KIRREL1: variants seen among roughly 807,000 people sequenced by gnomAD.
The protein encoded by KIRREL1 is kin of IRRE-like protein 1.
A neutral mutation model predicts 83.3 loss-of-function variants in KIRREL1; 25 were observed. The ratio of observed to expected loss-of-function variants is 0.30; its 90% CI spans 0.22 to 0.42. The LOEUF is 0.42. KIRREL1 is among the 10% of genes least tolerant of loss of function. The probability of loss-of-function intolerance (pLI) is 1.00; values close to 1 mark genes in which losing one functional copy is unlikely to be tolerated. For missense variants in KIRREL1, 812 were observed against 1,032.3 expected, an observed-to-expected ratio of 0.79 and a Z score of 2.92; for synonymous variants, 388 against 410.4, an observed-to-expected ratio of 0.95 and a Z score of 0.66.
chr1:158,080,663 G>T (rs1468946891), intron 3 of KIRREL1, among the ~76,000 whole-genome samples: 1 of 152,166 alleles, frequency 6.6e-6, no homozygotes, highest in Non-Finnish European at 1.5e-5. Context: ...CCTGGGCATG[G>T]TGTCTCCTCG....
intron 11 of KIRREL1, 36 bp from the exon 12 acceptor site, chr1:158,093,303 A>G: frequency 6.4e-7 from 1 of 1,560,588 alleles, no homozygotes; most frequent in Non-Finnish European, 8.8e-7. Flanking sequence ...GTATAACTCC[A>G]GCCTCACCCC....
rs751656360 is a variant in KIRREL1, at chr1:158,094,730, T to A, written c.1884T>A (p.Pro628=). The change falls in exon 15 of 15, where the codon CCT becomes CCA. Residue 628 remains proline (P), a synonymous_variant. Coordinates refer to ENST00000359209, the MANE Select transcript of KIRREL1 (RefSeq NM_018240.7). The surrounding 1 kb of genome is among the most constrained non-coding windows in gnomAD (Gnocchi z 4.6). ...RAVLYADYRA[P]GPARFDGRPS... The stretch of plus-strand genomic sequence containing the variant: ...TGCTCTATGCTGACTACCGTGCCCC[T>A]GGCCCTGCCCGCTTCGACGGCCGCC... 6.2e-7 allele frequency: 1 copy of A among 1,613,468 alleles called. No individual in the cohort carries two copies. The highest frequency in any genetic ancestry group is 8.5e-7 in the Non-Finnish European group (1 of 1,179,982).
chr1:158,048,820 G>A (rs190550272), intron 1 of KIRREL1, among the ~76,000 whole-genome samples: 1 of 152,294 alleles, frequency 6.6e-6, no homozygotes, highest in East Asian at 1.9e-4. Flanking sequence ...GCGAGAGTAG[G>A]AAATAGGATG....
At chr1:158,089,871 G>A (rs1662141513) in intron 10 of KIRREL1, 53 bp downstream of exon 10, 5 of 1,499,888 alleles carry the variant, frequency 3.3e-6, no homozygotes, top group Non-Finnish European at 3.7e-6. Context: ...TCTTTGCCCA[G>A]GCCCAGCCTC....
chr1:158,078,487 T>A (rs1661751817), intron 3 of KIRREL1, among the ~76,000 whole-genome samples: 10 of 152,092 alleles, frequency 6.6e-5, no homozygotes, highest in Admixed American at 6.6e-4. Flanking sequence ...TTCCCAGCTG[T>A]CCTGGCTGGC....
intron 10 of KIRREL1, among the ~76,000 whole-genome samples, chr1:158,090,840 C>T (rs1223917546): frequency 4.6e-5 from 7 of 152,148 alleles, no homozygotes; most frequent in Non-Finnish European, 8.8e-5. Flanking sequence ...ATTGTCTAGC[C>T]CTAGCCTGGT....
chr1:158,039,692 C>T (rs1428525490), intron 1 of KIRREL1, among the ~76,000 whole-genome samples: 1 of 152,210 alleles, frequency 6.6e-6, no homozygotes, highest in Non-Finnish European at 1.5e-5. Context: ...CTTTTCCTCC[C>T]CACTCCTTCA....
chr1:157,996,683 A>G (rs998547634), intron 1 of KIRREL1, among the ~76,000 whole-genome samples: 1 of 152,234 alleles, frequency 6.6e-6, no homozygotes, highest in East Asian at 1.9e-4. Flanking sequence ...ACATAGACAC[A>G]TATACACACT....
chr1:158,084,952 A>G (rs1007694009), intron 4 of KIRREL1, among the ~76,000 whole-genome samples: 2 of 152,202 alleles, frequency 1.3e-5, no homozygotes, highest in Non-Finnish European at 2.9e-5. Flanking sequence ...ACTTGCGCTC[A>G]GAGAGGTTGA....
intron 1 of KIRREL1, among the ~76,000 whole-genome samples, chr1:157,999,046 G>C (rs961099588): frequency 6.6e-6 from 1 of 152,090 alleles, no homozygotes; most frequent in Non-Finnish European, 1.5e-5. Context: ...CTGCCTAGAA[G>C]AGCCACACCC....
intron 1 of KIRREL1, among the ~76,000 whole-genome samples, chr1:158,020,544 TC>T (rs1324532327): frequency 7.3e-6 from 1 of 136,326 alleles, no homozygotes; most frequent in Non-Finnish European, 1.5e-5. Context: ...ATCTGTAACT[TC>T]CGTCTCTTGC....
chr1:158,010,356 CACA>C (rs1557987023), intron 1 of KIRREL1, among the ~76,000 whole-genome samples: 2 of 139,772 alleles, frequency 1.4e-5, no homozygotes, highest in Non-Finnish European at 3.2e-5. Context: ...CACACACACA[CACA>C]CACCCCACAC....
At chr1:158,077,795 TC>T (rs1456211685) in intron 2 of KIRREL1, among the ~76,000 whole-genome samples, 195 bp from the exon 3 acceptor site, 1 of 152,196 alleles carries the variant, frequency 6.6e-6, no homozygotes, top group Non-Finnish European at 1.5e-5. Context: ...TCAGCTGCCC[TC>T]CTGTCTGCTC....
chr1:158,072,154 C>T (rs1661534171), intron 1 of KIRREL1, among the ~76,000 whole-genome samples: 1 of 152,078 alleles, frequency 6.6e-6, no homozygotes. Context: ...ACTCCAAGTT[C>T]CACCCAGCAT....
intron 1 of KIRREL1, among the ~76,000 whole-genome samples, chr1:158,018,119 T>G (rs1571540049): frequency 6.6e-6 from 1 of 151,980 alleles, no homozygotes; most frequent in Admixed American, 6.5e-5. Flanking sequence ...AGCCAGAGAG[T>G]CTTGTCCTTT....
chr1:158,074,410 G>A (rs372799685), intron 1 of KIRREL1, among the ~76,000 whole-genome samples: 46 of 152,322 alleles, frequency 3.0e-4, no homozygotes, highest in African/African-American at 9.9e-4. Context: ...ACAACCAGTG[G>A]GGATGGATGT....
intron 1 of KIRREL1, among the ~76,000 whole-genome samples, chr1:158,063,440 C>A (rs1661269405): frequency 6.6e-6 from 1 of 152,200 alleles, no homozygotes; most frequent in Non-Finnish European, 1.5e-5. Flanking sequence ...CACATCATTG[C>A]CCCCCATCAA....
intron 1 of KIRREL1, among the ~76,000 whole-genome samples, chr1:157,999,517 G>A (rs1659296626): frequency 6.6e-6 from 1 of 152,188 alleles, no homozygotes. Flanking sequence ...AGTTGGTATG[G>A]AGGGAAGGGA....
chr1:157,995,505 G>A (rs1250592560), intron 1 of KIRREL1, among the ~76,000 whole-genome samples: 1 of 152,106 alleles, frequency 6.6e-6, no homozygotes, highest in Non-Finnish European at 1.5e-5. Flanking sequence ...GGGGGGTCAT[G>A]TTGGTGGTGG....
Sources: allele counts gnomAD v4.1 joint callset (sites outside exome capture counted in the v4.1 genomes callset), GRCh38; gene constraint gnomAD v4.1.1; non-coding constraint Gnocchi (gnomAD v3.1); transcripts MANE v1.5; gene names NCBI Gene and HGNC (gene_info 2026-07-23, HGNC 2026-07-21).